Variants in RPL23 observed in about 807,000 individuals in gnomAD.
The protein encoded by RPL23 is large ribosomal subunit protein uL14.
For synonymous variants in RPL23, 63 were observed against 65.3 expected, an observed-to-expected ratio of 0.97 and a Z score of 0.17; for missense variants, 79 against 178.8, an observed-to-expected ratio of 0.44 and a Z score of 3.18.
Position 38,849,705 on chromosome 17 carries a change from AT to A in RPL23, c.*426del. 6.3e-6 allele frequency: 1 copy of A among 158,418 alleles called. No individual in the cohort carries two copies. Among genetic ancestry groups the A allele is most frequent in the Non-Finnish European group, 1.4e-5 (1 of 72,102 alleles). The allele number at this position is 158,418 out of a possible 1,614,324, so 9.8% of individuals were successfully genotyped here. ...CAGTCATTGAGCAGTATCTACTATT[AT>A]TTTTGGGACTCAAAACCCAAATAAT... On this transcript the variant is annotated 3_prime_UTR_variant, in exon 5 of 5. Transcript: ENST00000479035.
Position 38,849,206 on chromosome 17 carries a change from A to G in RPL23, c.*926T>C, listed in dbSNP as rs1431534244. On this transcript the variant is annotated 3_prime_UTR_variant, in exon 5 of 5. Coordinates refer to ENST00000479035, the MANE Select transcript of RPL23 (RefSeq NM_000978.4). ...ATGACAGTAAACCTACATGGCAATT[A>G]CTGTTGTTTTATAAATATTCAATTT... 6.6e-6 allele frequency: 1 copy of G among 152,232 alleles called. No homozygotes were observed. Among genetic ancestry groups the G allele is most frequent in the Non-Finnish European group, 1.5e-5 (1 of 68,038 alleles). 9.4% of individuals were successfully genotyped at this position (152,232 alleles called of 1,614,324 possible). A position where few individuals can be genotyped will look rare whatever the true frequency, so the allele number is the denominator to read the frequency against.
At position 38,848,136 on chromosome 17, in the gene RPL23, TAA is replaced by T. The variant is rs1205556157; in HGVS notation, c.*1994_*1995del. 3 of 1,392,508 alleles carry T rather than the reference TAA, an allele frequency of 2.2e-6. No homozygotes were observed. The highest frequency in any genetic ancestry group is 1.9e-6 in the Non-Finnish European group (2 of 1,069,522). The allele number at this position is 1,392,508 out of a possible 1,614,324, so 86.3% of individuals were successfully genotyped here. On this transcript the variant is annotated 3_prime_UTR_variant, in exon 5 of 5. Coordinates refer to ENST00000479035, the MANE Select transcript of RPL23 (RefSeq NM_000978.4). ...AAGGATCATATATTGCCATAATATA[TAA>T]AGACATAAATGGTGGGCCTAGGGGC...
chr17:38,852,558 C>T, intron 3 of RPL23, 46 bp downstream of exon 3: 4 of 1,592,182 alleles, frequency 2.5e-6, no homozygotes, highest in South Asian at 1.1e-5. Flanking sequence ...AGGAAAGCGT[C>T]CCCCCACTAC....
intron 3 of RPL23, chr17:38,850,918 G>A (rs1239731696): frequency 6.5e-6 from 1 of 152,938 alleles, no homozygotes. Context: ...GTAGAAATGG[G>A]ACCTGGGACC....
Position 38,847,959 on chromosome 17 carries a change from C to CT in RPL23, c.*2172dup. The CT allele has an allele frequency of 6.5e-7, 1 of 1,548,756 alleles. No homozygotes were observed. Among genetic ancestry groups the CT allele is most frequent in the South Asian group, 1.2e-5 (1 of 83,752 alleles). ...GTGGCTCACACTTGTAATTGCAGCC[C>CT]TTTGAAGGCCACAGCAGGAGGATTC... On this transcript the variant is annotated 3_prime_UTR_variant, in exon 5 of 5. Transcript: ENST00000479035.
At position 38,848,052 on chromosome 17, in the gene RPL23, G is replaced by A. The variant is rs753372433; in HGVS notation, c.*2080C>T. ...ACTGCACTCCAGCCTGTGTGACAGA[G>A]CAAGACTGCCTCAGAAAAGATAACA... On this transcript the variant is annotated 3_prime_UTR_variant, in exon 5 of 5. Transcript: ENST00000479035. The A allele has an allele frequency of 2.1e-5, 32 of 1,541,650 alleles. No individual in the cohort carries two copies. Among genetic ancestry groups the A allele is most frequent in the African/African-American group, 9.6e-5 (7 of 72,700 alleles).
intron 2 of RPL23, 46 bp downstream of exon 2, chr17:38,852,976 T>C (rs763414359): frequency 1.4e-5 from 22 of 1,555,758 alleles, no homozygotes; most frequent in Non-Finnish European, 2.0e-5. Context: ...ACAGGCCCAT[T>C]GAGTGCTTTT....
intron 1 of RPL23, chr17:38,853,441 C>G (rs928465615): frequency 3.3e-5 from 24 of 717,048 alleles, no homozygotes; most frequent in Non-Finnish European, 6.2e-5. Context: ...TAACTTCAAC[C>G]CCATTACGAT....
chr17:38,853,222 T>C (rs764206144), intron 1 of RPL23, 117 bp from the exon 2 acceptor site: 2 of 791,148 alleles, frequency 2.5e-6, no homozygotes, highest in Non-Finnish European at 4.3e-6. Flanking sequence ...GACTGTACGC[T>C]ATAGATTAGC....
In RPL23 at chr17:38,852,351, CAG is replaced by C. The variant is rs893541623; in HGVS notation, c.226+251_226+252del. ...TTGCACTCCAGTATGGGCTGGGCGA[CAG>C]AGAGAGACTCCATCTCAAAAAACAA... On this transcript the variant is annotated intron_variant, in intron 3 of 4. Transcript: ENST00000479035. The C allele has an allele frequency of 2.9e-5, 13 of 452,306 alleles. No individual in the cohort carries two copies. In the Admixed American group the frequency reaches 3.1e-4, roughly 11 times the overall value. The allele number at this position is 452,306 out of a possible 1,614,324, so 28.0% of individuals were successfully genotyped here.
rs1912942608 is a variant in RPL23, at chr17:38,849,476, ACAGGC to A, written c.*651_*655del. The A allele has an allele frequency of 6.6e-6, 1 of 152,264 alleles. No homozygotes were observed. The allele number at this position is 152,264 out of a possible 1,614,324, so 9.4% of individuals were successfully genotyped here. On this transcript the variant is annotated 3_prime_UTR_variant, in exon 5 of 5. Transcript: ENST00000479035. ...AGCGATTCTCTCAGTAGCTGAGATT[ACAGGC>A]GGTGCGCCACCACGCCCAGCTAATT...
chr17:38,853,707 A>G lies in RPL23; in HGVS notation c.4T>C (p.Ser2Pro). 6.2e-7 allele frequency: 1 copy of G among 1,614,106 alleles called. No homozygotes were observed. Among genetic ancestry groups the G allele is most frequent in the Admixed American group, 1.7e-5 (1 of 60,016 alleles). ...AGAAACAAAACCTCACCTCGCTTCG[A>G]CATCTTGAACGCCGGAAAAAAGAAA... M[S>P]KRGRGGSSGA... is the part of the protein sequence containing the mutation. Residue 2 changes from serine (S) to proline (P), a missense_variant, in exon 1 of 5, where the codon TCG becomes CCG. Coordinates refer to ENST00000479035, the MANE Select transcript of RPL23 (RefSeq NM_000978.4).
At position 38,848,008 on chromosome 17, in the gene RPL23, A is replaced by G. The variant is rs1912905059; in HGVS notation, c.*2124T>C. The G allele has an allele frequency of 1.3e-6, 2 of 1,550,250 alleles. No individual in the cohort carries two copies. Among genetic ancestry groups the G allele is most frequent in the Non-Finnish European group, 1.7e-6 (2 of 1,146,866 alleles). On this transcript the variant is annotated 3_prime_UTR_variant, in exon 5 of 5. Coordinates refer to ENST00000479035, the MANE Select transcript of RPL23 (RefSeq NM_000978.4). ...TCCAAGTCCAGCAGTTCAAAGTTAC[A>G]GTGAGCTTCAGTGGTGTTACTGCAC...
chr17:38,853,578 T>G lies in RPL23; in HGVS notation c.13+120A>C. On this transcript the variant is annotated intron_variant, in intron 1 of 4. Coordinates refer to ENST00000479035, the MANE Select transcript of RPL23 (RefSeq NM_000978.4). ...GGCAGTGCTCTCGCGGTGGCCTGGC[T>G]CTCTCTCTCCGGCCTGAAGGAGAGC... 4.0e-6 allele frequency: 5 copies of G among 1,260,622 alleles called. No homozygotes were observed. The Admixed American group carries it at 5.3e-5, about 13-fold the overall frequency. 78.1% of individuals were successfully genotyped at this position (1,260,622 alleles called of 1,614,324 possible). A position where few individuals can be genotyped will look rare whatever the true frequency, so the allele number is the denominator to read the frequency against.
Position 38,850,462 on chromosome 17 carries a change from C to G in RPL23, c.240G>C (p.Val80=), listed in dbSNP as rs149583096. The change falls in exon 4 of 5, where the codon GTG becomes GTC. Residue 80 remains valine (V), a synonymous_variant. Coordinates refer to ENST00000479035, the MANE Select transcript of RPL23 (RefSeq NM_000978.4). ...PELRKKVHPA[V]VIRQRKSYRR... ...GGTATGACTTTCGTTGTCGAATGAC[C>G]ACTGCTGGATGTACTGAGAGAAGAA... The G allele has an allele frequency of 7.4e-6, 12 of 1,613,324 alleles. No individual in the cohort carries two copies. The African/African-American group carries it at 1.1e-4, about 14-fold the overall frequency.
At position 38,849,045 on chromosome 17, in the gene RPL23, T is replaced by C. The variant is rs113799856; in HGVS notation, c.*1087A>G. ...CTTATTATCAGCGCTTTATGCCTGT[T>C]CAGTTGGCAAAAATTTACCACATTC... On this transcript the variant is annotated 3_prime_UTR_variant, in exon 5 of 5. Coordinates refer to ENST00000479035, the MANE Select transcript of RPL23 (RefSeq NM_000978.4). 5.3e-5 allele frequency: 8 copies of C among 152,300 alleles called. No individual in the cohort carries two copies. The highest frequency in any genetic ancestry group is 1.7e-4 in the African/African-American group (7 of 41,560). 9.4% of individuals were successfully genotyped at this position (152,300 alleles called of 1,614,324 possible).
At position 38,847,980 on chromosome 17, in the gene RPL23, G is replaced by A. The variant is rs1313403609; in HGVS notation, c.*2152C>T. On this transcript the variant is annotated 3_prime_UTR_variant, in exon 5 of 5. Coordinates refer to ENST00000479035, the MANE Select transcript of RPL23 (RefSeq NM_000978.4). The stretch of plus-strand genomic sequence containing the variant: ...AGCCCTTTGAAGGCCACAGCAGGAG[G>A]ATTCCAAGTCCAGCAGTTCAAAGTT... 6.5e-7 allele frequency: 1 copy of A among 1,550,148 alleles called. No individual in the cohort carries two copies.
Position 38,850,224 on chromosome 17 carries a change from A to T in RPL23, c.341-10T>A. On this transcript the variant is annotated splice_polypyrimidine_tract_variant and intron_variant, in intron 4 of 4. Transcript: ENST00000479035. ...CCTGTAATGGCAGAACCTGCATTAA[A>T]AAAATAAAATAAAATAAAATAAAAA... The T allele has an allele frequency of 6.3e-7, 1 of 1,586,402 alleles. No individual in the cohort carries two copies.
At chr17:38,852,552 A>G (rs774015349) in intron 3 of RPL23, 52 bp downstream of exon 3, 2 of 1,589,980 alleles carry the variant, frequency 1.3e-6, no homozygotes, top group Non-Finnish European at 1.7e-6. Context: ...CAATAAAGGA[A>G]AGCGTCCCCC....
Sources: allele counts gnomAD v4.1 joint callset, GRCh38; gene constraint gnomAD v4.1.1; transcripts MANE v1.5; gene names NCBI Gene and HGNC (gene_info 2026-07-23, HGNC 2026-07-21).